Variants in MRTO4 observed in about 807,000 individuals in gnomAD.
MRTO4 encodes MRT4 homolog, ribosome maturation factor.
A neutral mutation model predicts 28.6 loss-of-function variants in MRTO4; 7 were observed. The ratio of observed to expected loss-of-function variants is 0.24; its 90% CI spans 0.14 to 0.46. MRTO4 has a LOEUF of 0.46. MRTO4 is among the 20% of genes least tolerant of loss of function. MRTO4 has a pLI of 0.99. For missense variants in MRTO4, 302 were observed against 298.3 expected, an observed-to-expected ratio of 1.01 and a Z score of -0.09; for synonymous variants, 113 against 108.2, an observed-to-expected ratio of 1.04 and a Z score of -0.27.
At chr1:19,257,763 G>T in intron 5 of MRTO4, 70 bp from the exon 6 acceptor site, 1 of 1,577,318 alleles carries the variant, frequency 6.3e-7, no homozygotes, top group Non-Finnish European at 8.6e-7. Flanking sequence ...GGGACACTTG[G>T]GGGAGCCTGA....
In MRTO4 at chr1:19,258,751, G is replaced by A. The variant is rs750997503; in HGVS notation, c.641G>A (p.Arg214Lys). ...TACATGTGGGATTCACAGTCGGGAAGGTTCCAGCAGATGGGAGACGACTTG... is the reference window on the plus strand; with the variant it reads ...TACATGTGGGATTCACAGTCGGGAAAGTTCCAGCAGATGGGAGACGACTTG... ...IKYMWDSQSG[R>K]FQQMGDDLPE... Residue 214 changes from arginine (R) to lysine (K), a missense_variant, in exon 8 of 8, where the codon AGG becomes AAG. Arg to Lys is a conservative substitution (Grantham distance 26). Transcript: ENST00000330263. 1.2e-6 allele frequency: 2 copies of A among 1,614,112 alleles called. No individual in the cohort carries two copies. Among genetic ancestry groups the A allele is most frequent in the African/African-American group, 2.7e-5 (2 of 74,938 alleles).
chr1:19,252,995 TAACCCGGCTCCCTGG>T (rs1463342177), intron 1 of MRTO4, among the ~76,000 whole-genome samples: 1 of 152,194 alleles, frequency 6.6e-6, no homozygotes, highest in Non-Finnish European at 1.5e-5. Flanking sequence ...GCCTCTCTCT[TAACCCGGCTCCCTGG>T]AATATTCAAA....
Position 19,251,815 on chromosome 1 carries a change from G to A in MRTO4, c.-21G>A. 1 of 1,567,292 alleles carries A rather than the reference G, an allele frequency of 6.4e-7. No individual in the cohort carries two copies. The highest frequency in any genetic ancestry group is 1.2e-5 in the South Asian group (1 of 85,304). On this transcript the variant is annotated 5_prime_UTR_variant, in exon 1 of 8. Transcript: ENST00000330263. The stretch of plus-strand genomic sequence containing the variant: ...GTCCTAACGGGGTGCACCGTCTTCC[G>A]CCGCACGTGGATTCAGCGCGATGCC...
chr1:19,255,231 C>T (rs990614521), intron 2 of MRTO4, among the ~76,000 whole-genome samples: 1 of 152,000 alleles, frequency 6.6e-6, no homozygotes, highest in Non-Finnish European at 1.5e-5. Context: ...TGGTGGGCCA[C>T]GCCTGTAATC....
intron 1 of MRTO4, 26 bp downstream of exon 1, chr1:19,251,889 T>TA: frequency 1.0e-5 from 16 of 1,586,344 alleles, no homozygotes; most frequent in Non-Finnish European, 1.4e-5. Context: ...GTCGGGACCC[T>TA]GGGGGGAGCT....
chr1:19,252,100 T>C (rs2151971009), intron 1 of MRTO4: 1 of 573,958 alleles, frequency 1.7e-6, no homozygotes, highest in South Asian at 2.2e-5. Flanking sequence ...TCAGGTGCTC[T>C]TGCAAGGCCA....
chr1:19,255,138 A>G (rs1294767135), intron 2 of MRTO4, among the ~76,000 whole-genome samples: 1 of 152,030 alleles, frequency 6.6e-6, no homozygotes, highest in East Asian at 1.9e-4. Context: ...CTAGGTGATG[A>G]TGTTGCTGTT....
intron 2 of MRTO4, among the ~76,000 whole-genome samples, chr1:19,255,476 C>A (rs1487541720): frequency 6.6e-6 from 1 of 151,782 alleles, no homozygotes; most frequent in African/African-American, 2.4e-5. Context: ...TGTACAGCTT[C>A]TGACCTGCCA....
chr1:19,257,977 C>G lies in MRTO4; in HGVS notation c.486C>G (p.Leu162=), dbSNP rs778555763. ...GGCAGCTGGGCCTGCCCACCGCCCTCAAGAGAGGTATGGGCAGCCCTGGAG... is the reference window on the plus strand; with the variant it reads ...GGCAGCTGGGCCTGCCCACCGCCCTGAAGAGAGGTATGGGCAGCCCTGGAG... ...QLRQLGLPTA[L]KRGVVTLLSD... is the part of the protein sequence containing the mutation. The change falls in exon 6 of 8, where the codon CTC becomes CTG. Residue 162 remains leucine, a synonymous_variant. Coordinates refer to ENST00000330263, the MANE Select transcript of MRTO4 (RefSeq NM_016183.4). 3.7e-6 allele frequency: 6 copies of G among 1,613,728 alleles called. No homozygotes were observed. The highest frequency in any genetic ancestry group is 5.1e-6 in the Non-Finnish European group (6 of 1,180,008).
chr1:19,257,601 C>T, intron 5 of MRTO4, 80 bp downstream of exon 5: 2 of 1,555,112 alleles, frequency 1.3e-6, no homozygotes, highest in Non-Finnish European at 1.8e-6. Flanking sequence ...AACTTCGTTC[C>T]ATATGTGGCA....
chr1:19,252,260 T>G (rs1162665841), intron 1 of MRTO4: 3 of 257,784 alleles, frequency 1.2e-5, no homozygotes, highest in Non-Finnish European at 2.3e-5. Context: ...TTTGTTCCCG[T>G]GTCTGGCGTT....
Position 19,255,980 on chromosome 1 carries a change from T to C in MRTO4, c.120T>C (p.Leu40=). The change falls in exon 3 of 8, where the codon CTT becomes CTC. Residue 40 remains leucine (L), a synonymous_variant. Transcript: ENST00000330263. ...AATGTGTGGACACCTACAAGTACCTTTTCATCTTCTCTGTGGCCAACATGA... is the reference window on the plus strand; with the variant it reads ...AATGTGTGGACACCTACAAGTACCTCTTCATCTTCTCTGTGGCCAACATGA... ...LRKCVDTYKY[L]FIFSVANMRN... is the part of the protein sequence containing the mutation. 6.2e-7 allele frequency: 1 copy of C among 1,613,970 alleles called. No individual in the cohort carries two copies. The highest frequency in any genetic ancestry group is 8.5e-7 in the Non-Finnish European group (1 of 1,179,998).
chr1:19,254,226 C>T (rs965778463), intron 1 of MRTO4, among the ~76,000 whole-genome samples: 5 of 152,132 alleles, frequency 3.3e-5, no homozygotes, highest in Admixed American at 6.5e-5. Context: ...ACAAAACTCA[C>T]CTGGGCATGG....
intron 4 of MRTO4, 60 bp from the exon 5 acceptor site, chr1:19,257,394 G>T: frequency 6.3e-7 from 1 of 1,588,298 alleles, no homozygotes; most frequent in Non-Finnish European, 8.6e-7. Flanking sequence ...GAGCAAAAAC[G>T]TGCCTAGTAG....
chr1:19,257,296 G>C, intron 4 of MRTO4, 151 bp downstream of exon 4: 2 of 1,191,804 alleles, frequency 1.7e-6, no homozygotes, highest in Non-Finnish European at 2.5e-6. Flanking sequence ...CTTCACCTCC[G>C]GACCCAAGGA....
In MRTO4 at chr1:19,259,337, C is replaced by A. The variant is rs1033741437; in HGVS notation, c.*507C>A. The A allele has an allele frequency of 6.6e-6, 1 of 152,300 alleles. No homozygotes were observed. The highest frequency in any genetic ancestry group is 6.5e-5 in the Admixed American group (1 of 15,284). The allele number at this position is 152,300 out of a possible 1,614,324, so 9.4% of individuals were successfully genotyped here. A position where few individuals can be genotyped will look rare whatever the true frequency, so the allele number is the denominator to read the frequency against. ...AGCAAGAGGGAGAGGAGGGAGAGGGCTCTTTCTTAGAAAAGAGGCCTTTGG... is the reference window on the plus strand; with the variant it reads ...AGCAAGAGGGAGAGGAGGGAGAGGGATCTTTCTTAGAAAAGAGGCCTTTGG... On this transcript the variant is annotated 3_prime_UTR_variant, in exon 8 of 8. Transcript: ENST00000330263.
chr1:19,259,505 G>A lies in MRTO4; in HGVS notation c.*675G>A, dbSNP rs140684799. On this transcript the variant is annotated 3_prime_UTR_variant, in exon 8 of 8. Coordinates refer to ENST00000330263, the MANE Select transcript of MRTO4 (RefSeq NM_016183.4). ...AGGTGGGAGAATTGCTTAAGCCTGA[G>A]AGTTGGAGGCTCAGTGAGCCATGAT... 5 of 152,190 alleles carry A rather than the reference G, an allele frequency of 3.3e-5. 1 individual carries two copies. The highest frequency in any genetic ancestry group is 1.2e-4 in the African/African-American group (5 of 41,494). 9.4% of individuals were successfully genotyped at this position (152,190 alleles called of 1,614,324 possible).
intron 1 of MRTO4, among the ~76,000 whole-genome samples, chr1:19,253,884 A>G (rs1003384688): frequency 2.6e-5 from 4 of 152,172 alleles, no homozygotes; most frequent in Non-Finnish European, 5.9e-5. Flanking sequence ...GCAAATGCCA[A>G]ACTCTGTGGG....
intron 2 of MRTO4, among the ~76,000 whole-genome samples, chr1:19,255,245 G>GCC (rs1239073138): frequency 5.3e-5 from 8 of 152,076 alleles, no homozygotes; most frequent in Non-Finnish European, 1.2e-4. Flanking sequence ...TGTAATCCCA[G>GCC]CACTTTGGGA....
Sources: gnomAD v4.1 joint callset for allele counts (sites outside exome capture counted in the v4.1 genomes callset) on GRCh38, gnomAD v4.1.1 for gene constraint, MANE v1.5 for transcripts, NCBI Gene and HGNC (gene_info 2026-07-23, HGNC 2026-07-21) for gene names.